ANKRD10: variants seen among roughly 807,000 people sequenced by gnomAD.
ANKRD10 encodes the protein ankyrin repeat domain 10.
In ANKRD10, 14 loss-of-function variants were observed where a neutral mutation model predicts 27.0. The observed-to-expected ratio is 0.52, with a 90% CI of 0.34 to 0.81. ANKRD10 has a LOEUF of 0.81. Among genes scored for constraint, ANKRD10 ranks in the 40% least tolerant of loss-of-function variants. The pLI is 0.01. For missense variants in ANKRD10, 493 were observed against 544.0 expected (o/e 0.91, Z 0.93); for synonymous variants, 250 against 224.5 (o/e 1.11, Z -1.01).
intron 3 of ANKRD10, chr13:110,905,157 T>C (rs2065494573): frequency 6.6e-6 from 1 of 152,230 alleles, no homozygotes. Flanking sequence ...ATATTGGTTA[T>C]TTTGGTTATT....
At chr13:110,912,800 A>G (rs1344943739) in intron 1 of ANKRD10, among the ~76,000 whole-genome samples, 8 of 152,208 alleles carry the variant, frequency 5.3e-5, no homozygotes, top group Non-Finnish European at 7.4e-5. Context: ...GGACTTCGCA[A>G]GCGGTAGCCC....
In ANKRD10 at chr13:110,878,978, T is replaced by C. The variant is rs1371330946; in HGVS notation, c.*659A>G. Reference sequence around the variant, plus strand: ...ACTTCCAGAGACCAAGTAGGAAGTGTGGAATAAAAACAATAAATCCAAACG... The same window carrying C: ...ACTTCCAGAGACCAAGTAGGAAGTGCGGAATAAAAACAATAAATCCAAACG... On this transcript the variant is annotated 3_prime_UTR_variant, in exon 6 of 6. Transcript: ENST00000267339. 1 of 152,426 alleles carries C rather than the reference T, an allele frequency of 6.6e-6. No individual in the cohort carries two copies. Among genetic ancestry groups the C allele is most frequent in the Admixed American group, 6.5e-5 (1 of 15,306 alleles). The allele number at this position is 152,426 out of a possible 1,614,324, so 9.4% of individuals were successfully genotyped here.
chr13:110,905,118 A>G (rs991466416), intron 3 of ANKRD10: 9 of 132,166 alleles, frequency 6.8e-5, no homozygotes, highest in East Asian at 2.0e-4. Flanking sequence ...TGAATTATTC[A>G]TAACACTTAA....
At chr13:110,896,365 T>C (rs746089831) in intron 3 of ANKRD10, among the ~76,000 whole-genome samples, 1 of 152,230 alleles carries the variant, frequency 6.6e-6, no homozygotes, top group Non-Finnish European at 1.5e-5. Flanking sequence ...AACATACAGT[T>C]TAATTTGTTA....
At position 110,910,707 on chromosome 13, in the gene ANKRD10, C is replaced by T. The variant is rs953479837; in HGVS notation, c.274G>A (p.Ala92Thr). The stretch of plus-strand genomic sequence containing the variant: ...GCTGCAATGTGGGCTGGCGTCTGCG[C>T]GTACCGTGTGGTGGAGACGTTGAGT... ...ATLNVSTTRY[A>T]QTPAHIAAFG... Residue 92 changes from alanine to threonine, a missense_variant, in exon 2 of 6, where the codon GCG becomes ACG. By Grantham distance (58) the Ala-to-Thr change is moderately conservative. Coordinates refer to ENST00000267339, the MANE Select transcript of ANKRD10 (RefSeq NM_017664.4). The T allele has an allele frequency of 5.0e-6, 8 of 1,614,170 alleles. No individual in the cohort carries two copies. Among genetic ancestry groups the T allele is most frequent in the Admixed American group, 1.7e-5 (1 of 60,026 alleles).
chr13:110,896,987 TA>T (rs35905211), intron 3 of ANKRD10, among the ~76,000 whole-genome samples: 98,066 of 151,808 alleles, frequency 0.65, 32,024 homozygotes, highest in East Asian at 0.84. Flanking sequence ...GTATAGGGAT[TA>T]AAAAAAACCA....
intron 4 of ANKRD10, among the ~76,000 whole-genome samples, chr13:110,889,408 CAG>C (rs2065018266): frequency 6.6e-6 from 1 of 152,180 alleles, no homozygotes; most frequent in East Asian, 1.9e-4. Context: ...TTTCACACTC[CAG>C]AGTTCATGTC....
chr13:110,907,844 TTAGA>T (rs1324040333), intron 2 of ANKRD10, among the ~76,000 whole-genome samples: 1 of 151,706 alleles, frequency 6.6e-6, no homozygotes, highest in Non-Finnish European at 1.5e-5. Context: ...GAGCTGAGAT[TTAGA>T]TAAAGTTTTG....
Position 110,879,402 on chromosome 13 carries a change from A to G in ANKRD10, c.*235T>C. 2.0e-6 allele frequency: 1 copy of G among 504,176 alleles called. No individual in the cohort carries two copies. The highest frequency in any genetic ancestry group is 3.5e-6 in the Non-Finnish European group (1 of 282,454). The allele number at this position is 504,176 out of a possible 1,614,324, so 31.2% of individuals were successfully genotyped here. The stretch of plus-strand genomic sequence containing the variant: ...TTGAGATTGGCATCAGAAAAACTCC[A>G]AAAGTGCACCTTATAAAAAGGACAC... On this transcript the variant is annotated 3_prime_UTR_variant, in exon 6 of 6. Coordinates refer to ENST00000267339, the MANE Select transcript of ANKRD10 (RefSeq NM_017664.4).
At chr13:110,888,919 A>G (rs973561680) in intron 4 of ANKRD10, among the ~76,000 whole-genome samples, 1 of 152,214 alleles carries the variant, frequency 6.6e-6, no homozygotes, top group African/African-American at 2.4e-5. Context: ...CTGTCACCAC[A>G]GCCTACTTCT....
intron 3 of ANKRD10, chr13:110,895,127 A>T (rs2065193469): frequency 6.6e-6 from 1 of 152,250 alleles, no homozygotes; most frequent in African/African-American, 2.4e-5. Flanking sequence ...TCTATAGATA[A>T]GCATAGACTT....
intron 4 of ANKRD10, among the ~76,000 whole-genome samples, chr13:110,889,025 C>G (rs1301897764): frequency 7.4e-6 from 1 of 135,868 alleles, no homozygotes; most frequent in Non-Finnish European, 1.6e-5. Flanking sequence ...AGAGCTCCAT[C>G]CAAAACAATT....
At chr13:110,911,308 C>T (rs1464653689) in intron 1 of ANKRD10, among the ~76,000 whole-genome samples, 6 of 150,542 alleles carry the variant, frequency 4.0e-5, no homozygotes, top group African/African-American at 9.8e-5. Flanking sequence ...AAAAATTAGC[C>T]GGGCGTGGTG....
intron 4 of ANKRD10, 132 bp from the exon 5 acceptor site, chr13:110,883,925 A>C: frequency 9.5e-7 from 1 of 1,048,392 alleles, no homozygotes; most frequent in Non-Finnish European, 1.3e-6. Context: ...TCGACAGGTC[A>C]CTAATGAGCT....
intron 1 of ANKRD10, chr13:110,911,547 A>T (rs1198548884): frequency 6.6e-6 from 1 of 152,264 alleles, no homozygotes; most frequent in African/African-American, 2.4e-5. Flanking sequence ...CGGGTGGATC[A>T]CCTGAGGTCA....
At chr13:110,894,593 G>A (rs969286374) in intron 3 of ANKRD10, 1 of 153,990 alleles carries the variant, frequency 6.5e-6, no homozygotes, top group Admixed American at 6.5e-5. Context: ...ACTTTTTAAA[G>A]CATAAGATAA....
At chr13:110,886,206 G>C (rs1057465066) in intron 4 of ANKRD10, among the ~76,000 whole-genome samples, 1 of 152,240 alleles carries the variant, frequency 6.6e-6, no homozygotes, top group African/African-American at 2.4e-5. Context: ...GAGGCAGCGG[G>C]AAACACACTA....
intron 2 of ANKRD10, among the ~76,000 whole-genome samples, chr13:110,907,586 AGT>A (rs770101329): frequency 7.9e-5 from 12 of 152,224 alleles, no homozygotes; most frequent in African/African-American, 1.9e-4. Context: ...TAGAGGGAAA[AGT>A]GTGCACATTT....
chr13:110,900,488 A>C (rs2065353728), intron 3 of ANKRD10: 1 of 1,193,914 alleles, frequency 8.4e-7, no homozygotes, highest in South Asian at 1.7e-5. Flanking sequence ...TCTCTATCTG[A>C]ATTCCTAGAT....
Sources: allele counts gnomAD v4.1 joint callset (sites outside exome capture counted in the v4.1 genomes callset), GRCh38; gene constraint gnomAD v4.1.1; transcripts MANE v1.5; gene names NCBI Gene and HGNC (gene_info 2026-07-23, HGNC 2026-07-21).